TNFRSF10B: variants seen among roughly 807,000 people sequenced by gnomAD.
The protein encoded by TNFRSF10B is tumor necrosis factor receptor superfamily member 10B.
In TNFRSF10B, 35 loss-of-function variants were observed where a neutral mutation model predicts 41.4. The ratio of observed to expected loss-of-function variants is 0.85; its 90% CI spans 0.65 to 1.12. TNFRSF10B has a LOEUF of 1.12. Ranked by LOEUF, TNFRSF10B falls within the 50% of genes most tolerant of loss-of-function variation. TNFRSF10B has a pLI of 0.00. For synonymous variants in TNFRSF10B, 230 were observed against 215.5 expected (o/e 1.07, Z -0.59); for missense variants, 584 against 552.7 (o/e 1.06, Z -0.57).
At position 23,022,708 on chromosome 8, in the gene TNFRSF10B, A is replaced by G. The variant is rs756681299; in HGVS notation, c.1286T>C (p.Met429Thr). 6 of 1,614,044 alleles carry G rather than the reference A, an allele frequency of 3.7e-6. No individual in the cohort carries two copies. The highest frequency in any genetic ancestry group is 5.1e-6 in the Non-Finnish European group (6 of 1,180,020). The change falls in exon 9 of 9, where the codon ATG (methionine) becomes ACG (threonine). Residue 429 changes from methionine (M) to threonine (T), a missense_variant. Transcript: ENST00000276431. Reference sequence around the variant, plus strand: ...AGAGTCTGCATTACCTTCTAGATACATGAACTTTCCAGAGCTCAACAAGTG... The same window carrying G: ...AGAGTCTGCATTACCTTCTAGATACGTGAACTTTCCAGAGCTCAACAAGTG... ...EDHLLSSGKF[M>T]YLEGNADSAM...
intron 1 of TNFRSF10B, among the ~76,000 whole-genome samples, chr8:23,052,825 A>T (rs1323586126): frequency 6.6e-6 from 1 of 152,228 alleles, no homozygotes; most frequent in Non-Finnish European, 1.5e-5. Context: ...AAAAGTGTTC[A>T]ATTTATTTTG....
intron 1 of TNFRSF10B, among the ~76,000 whole-genome samples, chr8:23,050,809 C>T (rs1320523236): frequency 6.6e-6 from 1 of 152,132 alleles, no homozygotes; most frequent in Admixed American, 6.6e-5. Context: ...CGTGGTGTCT[C>T]ATGCCTGTAA....
chr8:23,027,536 G>C, intron 6 of TNFRSF10B, 186 bp downstream of exon 6: 1 of 832,816 alleles, frequency 1.2e-6, no homozygotes, highest in South Asian at 1.7e-5. Flanking sequence ...GCTGCAGCAG[G>C]GCTCACCAGC....
intron 1 of TNFRSF10B, among the ~76,000 whole-genome samples, chr8:23,060,763 C>T (rs771483889): frequency 8.5e-5 from 13 of 152,258 alleles, no homozygotes; most frequent in Non-Finnish European, 1.9e-4. Flanking sequence ...AATTCATAAT[C>T]ATGGCATATC....
At chr8:23,052,900 A>G (rs2128818755) in intron 1 of TNFRSF10B, among the ~76,000 whole-genome samples, 2 of 152,326 alleles carry the variant, frequency 1.3e-5, no homozygotes, top group South Asian at 4.1e-4. Context: ...AGCTATGCAA[A>G]AAGTTTTAAA....
rs1445798695 is a variant in TNFRSF10B at position 23,040,289 on chromosome 8, TTAAA to T, written c.250+2845_250+2848del. Among the ~76,000 whole-genome samples the T allele has an allele frequency of 1.5e-4, 10 of 65,554 alleles. 2 individuals are homozygous for T. Among genetic ancestry groups the T allele is most frequent in the African/African-American group, 3.0e-4 (8 of 26,460 alleles). The allele number at this position is 65,554 out of a possible 152,430, so 43.0% of individuals were successfully genotyped here. On this transcript the variant is annotated intron_variant, in intron 2 of 8. Transcript: ENST00000276431. Reference sequence around the variant, plus strand: ...TAAATATATATATAATATATATTTATTAAATATATATAATATATATTTAATAAAT... The same window carrying T: ...TAAATATATATATAATATATATTTATTATATATAATATATATTTAATAAAT...
chr8:23,049,654 C>T (rs1173737896), intron 1 of TNFRSF10B: 1 of 152,216 alleles, frequency 6.6e-6, no homozygotes, highest in Non-Finnish European at 1.5e-5. Flanking sequence ...CTCTGAAAAG[C>T]TTTGTAATTT....
At chr8:23,060,879 T>C (rs1348678788) in intron 1 of TNFRSF10B, among the ~76,000 whole-genome samples, 1 of 152,186 alleles carries the variant, frequency 6.6e-6, no homozygotes, top group African/African-American at 2.4e-5. Flanking sequence ...TTTATTATTT[T>C]TGATACTATT....
intron 6 of TNFRSF10B, 53 bp downstream of exon 6, chr8:23,027,669 A>C: frequency 6.2e-7 from 1 of 1,612,964 alleles, no homozygotes. Flanking sequence ...CTGCTGTCCC[A>C]GGAAGCAGTT....
intron 1 of TNFRSF10B, among the ~76,000 whole-genome samples, chr8:23,046,118 A>G (rs1223898269): frequency 6.6e-6 from 1 of 152,182 alleles, no homozygotes; most frequent in Non-Finnish European, 1.5e-5. Flanking sequence ...AAGAATTATT[A>G]GGTATTCAAA....
chr8:23,039,160 C>T (rs532560828), intron 2 of TNFRSF10B, among the ~76,000 whole-genome samples: 2 of 152,038 alleles, frequency 1.3e-5, no homozygotes, highest in African/African-American at 2.4e-5. Flanking sequence ...GTTCACGCTC[C>T]TATGAAGTCT....
At position 23,069,017 on chromosome 8, in the gene TNFRSF10B, T is replaced by G. The variant is rs1348889241; in HGVS notation, c.-123A>C. ...CGGGGTTCTCCGGCCGCGTGCTGAT[T>G]TATGTGTCCAGGCTGACTTGGGGCG... On this transcript the variant is annotated 5_prime_UTR_variant, in exon 1 of 9. Transcript: ENST00000276431. 1 of 1,507,404 alleles carries G rather than the reference T, an allele frequency of 6.6e-7. No individual in the cohort carries two copies. The highest frequency in any genetic ancestry group is 9.1e-7 in the Non-Finnish European group (1 of 1,103,720). The allele number at this position is 1,507,404 out of a possible 1,614,324, so 93.4% of individuals were successfully genotyped here.
At chr8:23,030,693 T>G in intron 3 of TNFRSF10B, 66 bp downstream of exon 3, 1 of 1,249,266 alleles carries the variant, frequency 8.0e-7, no homozygotes, top group Non-Finnish European at 1.2e-6. Flanking sequence ...GATCCCATTT[T>G]AGCTACAACT....
intron 1 of TNFRSF10B, 123 bp downstream of exon 1, chr8:23,068,628 G>A (rs1585232964): frequency 3.5e-6 from 5 of 1,425,586 alleles, no homozygotes; most frequent in Middle Eastern, 4.2e-4. Flanking sequence ...GGTGCGTCTT[G>A]CCCGGACATG....
intron 4 of TNFRSF10B, among the ~76,000 whole-genome samples, chr8:23,029,169 C>T (rs1302274815): frequency 6.6e-6 from 1 of 152,120 alleles, no homozygotes; most frequent in Non-Finnish European, 1.5e-5. Context: ...GGAGCTCCAC[C>T]CATGGCCTTA....
intron 1 of TNFRSF10B, among the ~76,000 whole-genome samples, chr8:23,057,996 C>T (rs1466982839): frequency 1.3e-5 from 2 of 152,146 alleles, no homozygotes; most frequent in East Asian, 3.9e-4. Flanking sequence ...CCTGTAATCC[C>T]AGCACTTGGG....
intron 2 of TNFRSF10B, among the ~76,000 whole-genome samples, chr8:23,041,866 C>T (rs1186851627): frequency 2.0e-5 from 3 of 152,178 alleles, no homozygotes; most frequent in Non-Finnish European, 2.9e-5. Context: ...TCTCCCTGGC[C>T]TATCGTCTCC....
In TNFRSF10B at chr8:23,021,847, C is replaced by T. The variant is rs1384559810; in HGVS notation, c.*824G>A. The T allele has an allele frequency of 8.8e-6, 4 of 454,108 alleles. No homozygotes were observed. The highest frequency in any genetic ancestry group is 2.3e-5 in the Admixed American group (1 of 42,574). 28.1% of individuals were successfully genotyped at this position (454,108 alleles called of 1,614,324 possible). A position where few individuals can be genotyped will look rare whatever the true frequency, so the allele number is the denominator to read the frequency against. On this transcript the variant is annotated 3_prime_UTR_variant, in exon 9 of 9. Transcript: ENST00000276431. ...TCTTACAGGGGACTTCTTCTTCTTC[C>T]CCCATTGTATGTCTCCTCCTTTTAT...
In TNFRSF10B at chr8:23,020,413, T is replaced by C. The variant is rs1306043033; in HGVS notation, c.*2258A>G. On this transcript the variant is annotated 3_prime_UTR_variant, in exon 9 of 9. Transcript: ENST00000276431. ...AGGAAGCTTACTTTAAAAGAATAGC[T>C]TGGCCTGGCTGGTGGCTCACGCCTG... 2.2e-6 allele frequency: 1 copy of C among 454,076 alleles called. No individual in the cohort carries two copies. The highest frequency in any genetic ancestry group is 4.4e-6 in the Non-Finnish European group (1 of 226,784). 28.1% of individuals were successfully genotyped at this position (454,076 alleles called of 1,614,324 possible). A position where few individuals can be genotyped will look rare whatever the true frequency, so the allele number is the denominator to read the frequency against.
Sources: allele counts gnomAD v4.1 joint callset (sites outside exome capture counted in the v4.1 genomes callset), GRCh38; gene constraint gnomAD v4.1.1; transcripts MANE v1.5; gene names NCBI Gene and HGNC (gene_info 2026-07-23, HGNC 2026-07-21).